Variants in CCDC68 observed in about 807,000 individuals in gnomAD.
The protein encoded by CCDC68 is coiled-coil domain containing 68, also known as coiled-coil domain-containing protein 68.
A neutral mutation model predicts 47.1 loss-of-function variants in CCDC68; 45 were observed. The observed-to-expected ratio is 0.96, with a 90% confidence interval of 0.75 to 1.23. The LOEUF (loss-of-function observed/expected upper bound fraction) is 1.23. CCDC68 is among the 50% of genes most tolerant of loss of function. The pLI is 0.00. For missense variants in CCDC68, 353 were observed against 373.6 expected (o/e 0.94, Z 0.45); for synonymous variants, 131 against 129.5 (o/e 1.01, Z -0.08).
intron 1 of CCDC68, among the ~76,000 whole-genome samples, chr18:54,953,537 C>T (rs200266299): frequency 0.45 from 51,246 of 112,722 alleles, 9,461 homozygotes; most frequent in East Asian, 0.61. Context: ...CACACACACA[C>T]ACATATATAT....
rs771395470 is a variant in CCDC68, at chr18:54,941,048, C to A, written c.153G>T (p.Met51Ile). 3 of 1,612,636 alleles carry A rather than the reference C, an allele frequency of 1.9e-6. No homozygotes were observed. The Admixed American group carries it at 5.0e-5, about 27-fold the overall frequency. ...RTTLQKIRTQ[M>I]FKDEIRHDST... is the part of the protein sequence containing the mutation. Reference sequence around the variant, plus strand: ...TGTCATGTCTTATTTCATCTTTAAACATCTGGGTCCTGATCTTTTGCAGAG... The same window carrying A: ...TGTCATGTCTTATTTCATCTTTAAAAATCTGGGTCCTGATCTTTTGCAGAG... Residue 51 changes from methionine (M) to isoleucine (I), a missense_variant, in exon 4 of 12, where the codon ATG (methionine) becomes ATT (isoleucine). Physicochemically the swap from Met to Ile is conservative, Grantham distance 10. Coordinates refer to ENST00000591504, the MANE Select transcript of CCDC68 (RefSeq NM_025214.3).
intron 11 of CCDC68, among the ~76,000 whole-genome samples, chr18:54,905,647 A>T (rs1326717993): frequency 6.6e-6 from 1 of 152,096 alleles, no homozygotes; most frequent in Non-Finnish European, 1.5e-5. Flanking sequence ...ACTACCACTT[A>T]CATTTTTCAA....
chr18:54,924,285 A>G (rs1321596531), intron 8 of CCDC68, among the ~76,000 whole-genome samples: 1 of 152,060 alleles, frequency 6.6e-6, no homozygotes, highest in Non-Finnish European at 1.5e-5. Context: ...TGGATATTGT[A>G]TATGAAAAAA....
At chr18:54,923,781 G>A (rs778765899) in intron 8 of CCDC68, among the ~76,000 whole-genome samples, 20 of 151,564 alleles carry the variant, frequency 1.3e-4, no homozygotes, top group Non-Finnish European at 2.6e-4. Context: ...ATGCAATCTC[G>A]GCTCACTGCA....
At chr18:54,950,067 C>T (rs1238344517) in intron 1 of CCDC68, among the ~76,000 whole-genome samples, 2 of 152,122 alleles carry the variant, frequency 1.3e-5, no homozygotes, top group African/African-American at 4.8e-5. Flanking sequence ...CCATCAATTC[C>T]GGTAGCTGCT....
At chr18:54,913,970 C>T (rs1184875047) in intron 10 of CCDC68, among the ~76,000 whole-genome samples, 1 of 152,200 alleles carries the variant, frequency 6.6e-6, no homozygotes, top group Non-Finnish European at 1.5e-5. Flanking sequence ...CACACTCTTC[C>T]ATTCTTCCTC....
intron 7 of CCDC68, among the ~76,000 whole-genome samples, chr18:54,934,543 T>G (rs958750884): frequency 1.3e-5 from 2 of 152,154 alleles, no homozygotes; most frequent in Admixed American, 6.5e-5. Context: ...CTGGTTCCCC[T>G]TTCTAAGTCA....
chr18:54,907,553 GA>G (rs941028936), intron 11 of CCDC68, among the ~76,000 whole-genome samples: 16 of 151,526 alleles, frequency 1.1e-4, no homozygotes, highest in African/African-American at 3.2e-4. Context: ...GGGCAAAGAA[GA>G]AAAAAAGAGA....
intron 10 of CCDC68, among the ~76,000 whole-genome samples, chr18:54,909,372 T>TTTTC: frequency 9.3e-6 from 1 of 107,648 alleles, no homozygotes; most frequent in African/African-American, 3.5e-5. Context: ...TTAAAAGGTA[T>TTTTC]TTTCTTTCTT....
At chr18:54,957,640 C>CTCTG (rs1358142101) in intron 1 of CCDC68, among the ~76,000 whole-genome samples, 1 of 151,902 alleles carries the variant, frequency 6.6e-6, no homozygotes, top group Admixed American at 6.6e-5. Flanking sequence ...CTCTCTCTCT[C>CTCTG]TCTCTCTCTC....
At chr18:54,913,242 G>T (rs1359547304) in intron 10 of CCDC68, among the ~76,000 whole-genome samples, 1 of 152,144 alleles carries the variant, frequency 6.6e-6, no homozygotes, top group Non-Finnish European at 1.5e-5. Flanking sequence ...AACAAAATAC[G>T]TAGCATGACT....
intron 10 of CCDC68, among the ~76,000 whole-genome samples, chr18:54,917,064 C>A (rs1319382068): frequency 1.3e-5 from 2 of 152,092 alleles, no homozygotes; most frequent in East Asian, 3.9e-4. Context: ...TATAAGTTAC[C>A]CAGTCTTGGG....
chr18:54,953,507 TACATACACAC>T (rs2044653995), intron 1 of CCDC68, among the ~76,000 whole-genome samples: 1 of 35,206 alleles, frequency 2.8e-5, no homozygotes, highest in South Asian at 1.8e-3. Flanking sequence ...ATTATATATA[TACATACACAC>T]ACACACACAC....
chr18:54,944,602 A>C (rs192227956), intron 2 of CCDC68, among the ~76,000 whole-genome samples: 68 of 152,344 alleles, frequency 4.5e-4, no homozygotes, highest in Non-Finnish European at 3.2e-4. Flanking sequence ...GCAAAAGCTC[A>C]ATGCACATAA....
At chr18:54,932,807 G>C (rs1428181069) in intron 7 of CCDC68, among the ~76,000 whole-genome samples, 1 of 152,194 alleles carries the variant, frequency 6.6e-6, no homozygotes, top group South Asian at 2.1e-4. Context: ...TGGGCTTTCA[G>C]CCTCCCTAAA....
intron 10 of CCDC68, among the ~76,000 whole-genome samples, chr18:54,916,577 TG>T (rs899239497): frequency 5.3e-5 from 8 of 151,956 alleles, no homozygotes; most frequent in Non-Finnish European, 8.8e-5. Context: ...CTCCAGGCAG[TG>T]GGTGATGCGC....
chr18:54,910,255 G>A (rs755720905), intron 10 of CCDC68, among the ~76,000 whole-genome samples: 22 of 152,146 alleles, frequency 1.4e-4, no homozygotes, highest in African/African-American at 4.1e-4. Flanking sequence ...CTGCCCCATC[G>A]TCTGTGCAGC....
intron 11 of CCDC68, among the ~76,000 whole-genome samples, chr18:54,905,549 T>G (rs963169232): frequency 4.6e-5 from 7 of 151,978 alleles, no homozygotes; most frequent in Non-Finnish European, 8.8e-5. Context: ...AATTTTCTAA[T>G]TTCAGTCTTA....
At chr18:54,934,488 G>A (rs913899202) in intron 7 of CCDC68, among the ~76,000 whole-genome samples, 3 of 152,126 alleles carry the variant, frequency 2.0e-5, no homozygotes, top group Non-Finnish European at 4.4e-5. Context: ...ACTCCTAATA[G>A]ATGGACTTTG....
Sources: allele counts gnomAD v4.1 joint callset (sites outside exome capture counted in the v4.1 genomes callset), GRCh38; gene constraint gnomAD v4.1.1; transcripts MANE v1.5; gene names NCBI Gene and HGNC (gene_info 2026-07-23, HGNC 2026-07-21).